MNAT1: variants seen among roughly 807,000 people sequenced by gnomAD.
MNAT1 encodes MNAT1 component of CDK activating kinase.
A neutral mutation model predicts 42.0 loss-of-function variants in MNAT1; 43 were observed. That is an observed-to-expected ratio of 1.02 (90% confidence interval 0.80 to 1.32). MNAT1 has a LOEUF of 1.32. Among genes scored for constraint, MNAT1 ranks in the 40% most tolerant of loss-of-function variants. The pLI is 0.00. For missense variants in MNAT1, 306 were observed against 350.4 expected (o/e 0.87, Z 1.01); for synonymous variants, 118 against 120.0 (o/e 0.98, Z 0.11).
intron 1 of MNAT1, among the ~76,000 whole-genome samples, chr14:60,777,402 C>G (rs2031291333): frequency 6.6e-6 from 1 of 152,054 alleles, no homozygotes; most frequent in Non-Finnish European, 1.5e-5. Context: ...TTGGACAACA[C>G]AGCAAGACCT....
chr14:60,840,281 T>C (rs1411626050), intron 6 of MNAT1, among the ~76,000 whole-genome samples: 1 of 152,180 alleles, frequency 6.6e-6, no homozygotes, highest in Non-Finnish European at 1.5e-5. Flanking sequence ...AAAAGGGAGC[T>C]GTAGGAGACT....
chr14:60,779,901 T>C (rs1488192216), intron 1 of MNAT1: 3 of 863,084 alleles, frequency 3.5e-6, no homozygotes, highest in Non-Finnish European at 5.6e-6. Flanking sequence ...GGAAGTGCTG[T>C]TGGAGCCGCT....
At chr14:60,811,526 AC>A (rs1250759957) in intron 4 of MNAT1, among the ~76,000 whole-genome samples, 3 of 150,534 alleles carry the variant, frequency 2.0e-5, no homozygotes, top group African/African-American at 7.3e-5. Flanking sequence ...CTGGTCTCGA[AC>A]TCCTGACCTT....
chr14:60,865,348 C>A (rs2139440055), intron 6 of MNAT1, among the ~76,000 whole-genome samples: 1 of 152,164 alleles, frequency 6.6e-6, no homozygotes, highest in East Asian at 1.9e-4. Flanking sequence ...GGATAAAGTT[C>A]ACTTATAGTG....
chr14:60,869,196 A>AT lies in MNAT1; in HGVS notation c.688-10502dup, dbSNP rs533524400. Among the ~76,000 whole-genome samples, 622 of 136,412 alleles carry AT rather than the reference A, an allele frequency of 4.6e-3. 2 individuals carry two copies. Among genetic ancestry groups the AT allele is most frequent in the South Asian group, 0.013 (55 of 4,284 alleles). 89.5% of individuals were successfully genotyped at this position (136,412 alleles called of 152,430 possible). The stretch of plus-strand genomic sequence containing the variant: ...AGGCACACACTGCCATGCCCAGCTA[A>AT]TTTTTTTTTTTTTTTTGGTATTTTA... On this transcript the variant is annotated intron_variant, in intron 6 of 7. Coordinates refer to ENST00000261245, the MANE Select transcript of MNAT1 (RefSeq NM_002431.4).
At chr14:60,752,725 A>G (rs2030150818) in intron 1 of MNAT1, among the ~76,000 whole-genome samples, 1 of 152,160 alleles carries the variant, frequency 6.6e-6, no homozygotes, top group Non-Finnish European at 1.5e-5. Flanking sequence ...TCAGTAACTA[A>G]TTTTGTAAGA....
intron 6 of MNAT1, among the ~76,000 whole-genome samples, chr14:60,832,928 T>C (rs1204211057): frequency 1.3e-5 from 2 of 152,180 alleles, no homozygotes; most frequent in Non-Finnish European, 2.9e-5. Flanking sequence ...TATTTTATTC[T>C]ATTTGTAGCA....
At chr14:60,966,523 T>G (rs996800484) in intron 7 of MNAT1, among the ~76,000 whole-genome samples, 1 of 152,036 alleles carries the variant, frequency 6.6e-6, no homozygotes, top group Admixed American at 6.6e-5. Flanking sequence ...CATTCATTAA[T>G]TTATTTAGAG....
chr14:60,801,923 C>G (rs1428320887), intron 3 of MNAT1, among the ~76,000 whole-genome samples: 1 of 152,102 alleles, frequency 6.6e-6, no homozygotes, highest in African/African-American at 2.4e-5. Flanking sequence ...TACATATGCA[C>G]CATGGAATAC....
chr14:60,830,798 C>CTT (rs781035081), intron 6 of MNAT1, among the ~76,000 whole-genome samples: 6 of 135,582 alleles, frequency 4.4e-5, no homozygotes, highest in Non-Finnish European at 8.0e-5. Flanking sequence ...CTTCTTCTGC[C>CTT]TTTTTTTTTT....
chr14:60,896,310 TA>T (rs1202727544), intron 7 of MNAT1, among the ~76,000 whole-genome samples: 1 of 152,168 alleles, frequency 6.6e-6, no homozygotes, highest in African/African-American at 2.4e-5. Flanking sequence ...GTGGTTAGTT[TA>T]GGAAAGTCTA....
chr14:60,759,107 T>C (rs1168551179), intron 1 of MNAT1, among the ~76,000 whole-genome samples: 1 of 152,188 alleles, frequency 6.6e-6, no homozygotes, highest in Non-Finnish European at 1.5e-5. Context: ...TCCCTTAAAC[T>C]AGAGCAGTCT....
chr14:60,796,268 T>C lies in MNAT1; in HGVS notation c.141T>C (p.Pro47=), dbSNP rs767109740. The change falls in exon 2 of 8, where the codon CCT becomes CCC. Residue 47 remains proline (P), a synonymous_variant. Coordinates refer to ENST00000261245, the MANE Select transcript of MNAT1 (RefSeq NM_002431.4). ...LLFVRGAGNC[P]ECGTPLRKSN... ...TTGTGAGAGGAGCTGGAAACTGCCC[T>C]GAGTGTGGTACTCCACTCAGAAAGA... 6.2e-7 allele frequency: 1 copy of C among 1,613,642 alleles called. No individual in the cohort carries two copies. The highest frequency in any genetic ancestry group is 2.2e-5 in the East Asian group (1 of 44,858).
chr14:60,891,378 G>T (rs895686813), intron 7 of MNAT1, among the ~76,000 whole-genome samples: 1 of 150,174 alleles, frequency 6.7e-6, no homozygotes, highest in Non-Finnish European at 1.5e-5. Context: ...GCTAGTTTTA[G>T]GTTTAGTTTG....
intron 7 of MNAT1, among the ~76,000 whole-genome samples, chr14:60,908,567 G>A (rs1003147922): frequency 6.6e-6 from 1 of 151,076 alleles, no homozygotes; most frequent in African/African-American, 2.4e-5. Flanking sequence ...GTGAGAACAT[G>A]CGGTGTTTGG....
chr14:60,839,852 G>A (rs1010668062), intron 6 of MNAT1, among the ~76,000 whole-genome samples: 1 of 152,200 alleles, frequency 6.6e-6, no homozygotes, highest in Non-Finnish European at 1.5e-5. Flanking sequence ...GTGCGCTCTT[G>A]CCAGACCCTG....
intron 4 of MNAT1, among the ~76,000 whole-genome samples, chr14:60,811,205 T>A (rs2032532068): frequency 6.6e-6 from 1 of 152,080 alleles, no homozygotes; most frequent in Non-Finnish European, 1.5e-5. Context: ...TCAGTCTTTA[T>A]ATTCTGTTGA....
At chr14:60,957,881 A>T (rs778767045) in intron 7 of MNAT1, among the ~76,000 whole-genome samples, 5 of 151,796 alleles carry the variant, frequency 3.3e-5, no homozygotes, top group Non-Finnish European at 5.9e-5. Flanking sequence ...CTTGTTGCCC[A>T]GGGTAGAGTG....
chr14:60,767,897 G>A (rs1256690929), intron 1 of MNAT1, among the ~76,000 whole-genome samples: 2 of 152,154 alleles, frequency 1.3e-5, no homozygotes, highest in Non-Finnish European at 2.9e-5. Flanking sequence ...CCAAGTAGCT[G>A]GGACTATAGG....
Sources: allele counts gnomAD v4.1 joint callset (sites outside exome capture counted in the v4.1 genomes callset), GRCh38; gene constraint gnomAD v4.1.1; transcripts MANE v1.5; gene names NCBI Gene and HGNC (gene_info 2026-07-23, HGNC 2026-07-21).